KRI1: variants seen among roughly 807,000 people sequenced by gnomAD.
The protein encoded by KRI1 is protein KRI1 homolog.
In KRI1, 83 loss-of-function variants were observed where a neutral mutation model predicts 97.0. The observed-to-expected ratio is 0.86, with a 90% CI of 0.72 to 1.03. The LOEUF is 1.03. KRI1 is among the 50% of genes least tolerant of loss of function. The pLI is 0.00. For missense variants in KRI1, 916 were observed against 928.4 expected (o/e 0.99, Z 0.17); for synonymous variants, 371 against 363.5 (o/e 1.02, Z -0.23).
intron 9 of KRI1, among the ~76,000 whole-genome samples, 186 bp from the exon 10 acceptor site, chr19:10,560,122 C>G (rs755096151): frequency 1.6e-4 from 25 of 152,202 alleles, no homozygotes; most frequent in Non-Finnish European, 2.9e-4. Context: ...GAAGCCGAAC[C>G]AGGATTTGAG....
At chr19:10,565,811 G>GC (rs34864064) in intron 1 of KRI1, 21 bp from the exon 2 acceptor site, 141,120 of 1,418,120 alleles carry the variant, frequency 0.1, 5,459 homozygotes, top group Middle Eastern at 0.13. Context: ...CAGACGGGAT[G>GC]CCCCCCCCCA....
At position 10,559,395 on chromosome 19, in the gene KRI1, G is replaced by T; in HGVS notation, c.1158C>A (p.Asp386Glu). Reference sequence around the variant, plus strand: ...GGTCGTGCTGGGCAGGGTCGAAGTCGTCTTCAAGGTCCCCCTCCTCGAGGC... The same window carrying T: ...GGTCGTGCTGGGCAGGGTCGAAGTCTTCTTCAAGGTCCCCCTCCTCGAGGC... ...MLGLEEGDLEDDFDPAQHDQL... is the reference protein window; with the variant it reads ...MLGLEEGDLEEDFDPAQHDQL... Residue 386 changes from aspartate (D) to glutamate (E), a missense_variant, in exon 12 of 19, where the codon GAC (aspartate) becomes GAA (glutamate). By Grantham distance (45) the Asp-to-Glu change is conservative (BLOSUM62 2). Around this residue, in one of 3 missense-constraint regions of KRI1, gnomAD observed 672 missense variants for 667.2 expected, o/e 1.01. Coordinates refer to ENST00000312962, the MANE Select transcript of KRI1 (RefSeq NM_023008.5). 2 of 1,614,088 alleles carry T rather than the reference G, an allele frequency of 1.2e-6. No individual in the cohort carries two copies. Among genetic ancestry groups the T allele is most frequent in the South Asian group, 2.2e-5 (2 of 91,082 alleles).
chr19:10,565,129 G>A (rs538697252), intron 2 of KRI1, 95 bp from the exon 3 acceptor site: 1 of 818,462 alleles, frequency 1.2e-6, no homozygotes. Flanking sequence ...TTAGGATGGA[G>A]GGGGGTGGAT....
chr19:10,563,448 C>T (rs1209601198), intron 3 of KRI1, among the ~76,000 whole-genome samples: 3 of 151,870 alleles, frequency 2.0e-5, no homozygotes, highest in Non-Finnish European at 2.9e-5. Flanking sequence ...CAGGTTCAAG[C>T]GATTCCCCTG....
intron 10 of KRI1, 47 bp downstream of exon 10, chr19:10,559,762 TG>T (rs879739734): frequency 6.2e-7 from 1 of 1,613,816 alleles, no homozygotes; most frequent in Non-Finnish European, 8.5e-7. Context: ...TGGGGTTCCC[TG>T]GGCCTGAACC....
chr19:10,563,602 C>T (rs1916765556), intron 3 of KRI1, among the ~76,000 whole-genome samples: 1 of 151,966 alleles, frequency 6.6e-6, no homozygotes, highest in Non-Finnish European at 1.5e-5. Flanking sequence ...CCGCCTCAAC[C>T]TCCCAAAGTG....
At chr19:10,561,619 G>A (rs749203784) in intron 6 of KRI1, 48 bp downstream of exon 6, 47 of 1,588,128 alleles carry the variant, frequency 3.0e-5, no homozygotes, top group Middle Eastern at 1.7e-4. Flanking sequence ...TCCAACCCCC[G>A]AGCCTCAACT....
rs555879440 is a variant in KRI1 at position 10,558,142 on chromosome 19, CCAGTGCCCCAGCT to C, written c.1270+9_1270+21del. 1,616 of 1,613,942 alleles carry C rather than the reference CCAGTGCCCCAGCT, an allele frequency of 1.0e-3. 5 individuals carry two copies. The highest frequency in any genetic ancestry group is 2.3e-3 in the Middle Eastern group (14 of 6,062). ...CAGTCCCCAGTCCCCAATCCCCAGC[CCAGTGCCCCAGCT>C]GATCTCACCTTCAAGCCCTTCTTCT... On this transcript the variant is annotated intron_variant, in intron 13 of 18. Coordinates refer to ENST00000312962, the MANE Select transcript of KRI1 (RefSeq NM_023008.5).
chr19:10,554,105 T>A lies in KRI1; in HGVS notation c.1958A>T (p.Lys653Met). 6.2e-7 allele frequency: 1 copy of A among 1,614,214 alleles called. No homozygotes were observed. Among genetic ancestry groups the A allele is most frequent in the South Asian group, 1.1e-5 (1 of 91,086 alleles). The change falls in exon 19 of 19, where the codon AAG (lysine) becomes ATG (methionine). Residue 653 changes from lysine (K) to methionine (M), a missense_variant. Lys to Met is a moderately conservative substitution (Grantham distance 95). Coordinates refer to ENST00000312962, the MANE Select transcript of KRI1 (RefSeq NM_023008.5). ...AGTGGGGCCCAGCAGCCGTGCCTTC[T>A]TGGCCCTCCTCCGCTTCTGGGGGGC... Reference protein sequence around the residue: ...KPAPQKRRRAKKARLLGPTVM... With the variant: ...KPAPQKRRRAMKARLLGPTVM...
Position 10,559,903 on chromosome 19 carries a change from G to T in KRI1, c.834C>A (p.Asp278Glu). 1 of 1,612,742 alleles carries T rather than the reference G, an allele frequency of 6.2e-7. No homozygotes were observed. Among genetic ancestry groups the T allele is most frequent in the Non-Finnish European group, 8.5e-7 (1 of 1,179,968 alleles). ...ACAGCTCCCCTTCGTCTGAGGAGTC[G>T]TCCACAGCCAGCTGGACTGGGGGAC... The part of the protein sequence containing the change: ...VHGPPVQLAV[D>E]DSSDEGELFL... The change falls in exon 10 of 19, where the codon GAC (aspartate) becomes GAA (glutamate). Residue 278 changes from aspartate to glutamate, a missense_variant. Physicochemically the swap from Asp to Glu is conservative, Grantham distance 45. Coordinates refer to ENST00000312962, the MANE Select transcript of KRI1 (RefSeq NM_023008.5).
chr19:10,563,357 T>C (rs1916755362), intron 3 of KRI1, among the ~76,000 whole-genome samples: 1 of 144,664 alleles, frequency 6.9e-6, no homozygotes, highest in African/African-American at 2.6e-5. Context: ...CACCCGGCCA[T>C]TATTATTATT....
In KRI1 at chr19:10,559,609, T is replaced by C; in HGVS notation, c.1023+4A>G. On this transcript the variant is annotated splice_donor_region_variant and intron_variant, in intron 11 of 18. Coordinates refer to ENST00000312962, the MANE Select transcript of KRI1 (RefSeq NM_023008.5). Reference sequence around the variant, plus strand: ...GTCCTCCCCAGCTCACCCCCCACACTCACCCTCTTCTTTCGCTCCCGAGTC... The same window carrying C: ...GTCCTCCCCAGCTCACCCCCCACACCCACCCTCTTCTTTCGCTCCCGAGTC... The C allele has an allele frequency of 6.2e-7, 1 of 1,613,864 alleles. No individual in the cohort carries two copies. Among genetic ancestry groups the C allele is most frequent in the South Asian group, 1.1e-5 (1 of 91,080 alleles).
intron 16 of KRI1, among the ~76,000 whole-genome samples, chr19:10,557,103 G>A (rs1287259282): frequency 6.6e-6 from 1 of 150,948 alleles, no homozygotes; most frequent in Non-Finnish European, 1.5e-5. Context: ...CTGTCATTAG[G>A]ACTATTAGCA....
rs755453387 is a variant in KRI1, at chr19:10,560,313, C to G, written c.799G>C (p.Gly267Arg). The change falls in exon 9 of 19, where the codon GGG (glycine) becomes CGG (arginine). Residue 267 changes from glycine to arginine, a missense_variant and splice_region_variant. Physicochemically the swap from Gly to Arg is moderately radical, Grantham distance 125. This residue lies in a region of KRI1 where 672 missense variants were observed against 667.2 expected (regional missense o/e 1.01). Coordinates refer to ENST00000312962, the MANE Select transcript of KRI1 (RefSeq NM_023008.5). The part of the protein sequence containing the change: ...EDEEEMEEEE[G>R]VHGPPVQLAV... The stretch of plus-strand genomic sequence containing the variant: ...TCCTGGGGAGATGCAGTGGCTCACC[C>G]CTCCTCTTCCTCCATTTCCTCTTCA... The G allele has an allele frequency of 6.2e-7, 1 of 1,604,410 alleles. No individual in the cohort carries two copies.
intron 3 of KRI1, among the ~76,000 whole-genome samples, chr19:10,564,175 G>A (rs1284906566): frequency 6.8e-6 from 1 of 146,474 alleles, no homozygotes; most frequent in South Asian, 2.2e-4. Context: ...AAGAAAGAAA[G>A]GCTGGCTGGG....
In KRI1 at chr19:10,559,499, GCTTGAGCTCTTCCTGCTT is replaced by G. The variant is rs1227567821; in HGVS notation, c.1036_1053del (p.Lys346_Lys351del). On this transcript the variant is annotated inframe_deletion, in exon 12 of 19. Coordinates refer to ENST00000312962, the MANE Select transcript of KRI1 (RefSeq NM_023008.5). ...TCCTTCCTCTTCAGGTTCTTCAGCT[GCTTGAGCTCTTCCTGCTT>G]CTTTGCTTTCTCCTGCAGGCCCAGG... 6.2e-7 allele frequency: 1 copy of G among 1,613,978 alleles called. No individual in the cohort carries two copies. The highest frequency in any genetic ancestry group is 1.7e-5 in the Admixed American group (1 of 59,984).
chr19:10,565,557 G>A, intron 2 of KRI1, 160 bp downstream of exon 2: 2 of 906,338 alleles, frequency 2.2e-6, no homozygotes, highest in Admixed American at 3.1e-5. Flanking sequence ...CCTGGGGAGA[G>A]GGGGGGCACT....
chr19:10,565,777 G>A lies in KRI1; in HGVS notation c.108C>T (p.Tyr36=). Residue 36 remains tyrosine (Y), a synonymous_variant, in exon 2 of 19, where the codon TAC becomes TAT. Transcript: ENST00000312962. ...REELQRLKDR[Y]GDRDSSSDSS... is the part of the protein sequence containing the mutation. ...AGTCGCTGCTGCTGTCTCGGTCCCC[G>A]TAGCGATCCTTCACTGCGGGACACA... 1.9e-6 allele frequency: 3 copies of A among 1,577,102 alleles called. No individual in the cohort carries two copies. Among genetic ancestry groups the A allele is most frequent in the Non-Finnish European group, 2.6e-6 (3 of 1,161,988 alleles).
chr19:10,564,155 A>G (rs1599537164), intron 3 of KRI1, among the ~76,000 whole-genome samples: 1 of 148,218 alleles, frequency 6.7e-6, no homozygotes, highest in African/African-American at 2.5e-5. Flanking sequence ...TCAAAAAAAA[A>G]AAAAGAAAAA....
Sources: gnomAD v4.1 joint callset for allele counts (sites outside exome capture counted in the v4.1 genomes callset) on GRCh38, gnomAD v4.1.1 for gene constraint, gnomAD v4.1.1 regional missense constraint, MANE v1.5 for transcripts, NCBI Gene and HGNC (gene_info 2026-07-23, HGNC 2026-07-21) for gene names.